The following DCDC2C variants were observed in gnomAD, a reference collection of about 807,000 sequenced individuals.
DCDC2C encodes the protein doublecortin domain containing 2C.
Under a neutral mutation model 45.0 loss-of-function variants are expected in DCDC2C, and 44 were observed. That is an observed-to-expected ratio of 0.98 (90% CI 0.77 to 1.26). DCDC2C has a LOEUF of 1.26. DCDC2C is among the 50% of genes most tolerant of loss of function. The probability of loss-of-function intolerance (pLI) is 0.00; values close to 1 mark genes in which losing one functional copy is unlikely to be tolerated. For synonymous variants in DCDC2C, 187 were observed against 178.8 expected, an observed-to-expected ratio of 1.05 and a Z score of -0.37; for missense variants, 447 against 468.9, an observed-to-expected ratio of 0.95 and a Z score of 0.43.
chr2:3,806,257 T>G (rs758203417), intron 10 of DCDC2C, among the ~76,000 whole-genome samples: 3 of 152,222 alleles, frequency 2.0e-5, no homozygotes, highest in Non-Finnish European at 2.9e-5. Context: ...TTTGTCTTGT[T>G]CTAAACGGCT....
chr2:3,846,644 A>G (rs1302468466), intron 10 of DCDC2C, among the ~76,000 whole-genome samples: 1 of 152,190 alleles, frequency 6.6e-6, no homozygotes, highest in East Asian at 1.9e-4. Flanking sequence ...CCTCTAGATG[A>G]TGTTCACATT....
intron 2 of DCDC2C, among the ~76,000 whole-genome samples, chr2:3,720,563 G>A (rs1454502540): frequency 3.9e-5 from 6 of 152,358 alleles, no homozygotes; most frequent in African/African-American, 1.2e-4. Context: ...ATGCAGCTGG[G>A]TCAGGCTTGA....
At chr2:3,756,265 C>G (rs1192540653) in intron 6 of DCDC2C, among the ~76,000 whole-genome samples, 1 of 152,092 alleles carries the variant, frequency 6.6e-6, no homozygotes. Context: ...ACAAATACTG[C>G]CTTTTAGTGG....
chr2:3,806,213 T>C (rs1671239012), intron 10 of DCDC2C, among the ~76,000 whole-genome samples: 1 of 152,198 alleles, frequency 6.6e-6, no homozygotes, highest in South Asian at 2.1e-4. Context: ...TGCTGCATTG[T>C]TTGATGCTTT....
chr2:3,733,073 T>G (rs1319684887), intron 3 of DCDC2C, among the ~76,000 whole-genome samples: 1 of 152,240 alleles, frequency 6.6e-6, no homozygotes, highest in Non-Finnish European at 1.5e-5. Context: ...GCAACTGATG[T>G]CGTGGAGGCA....
chr2:3,714,046 A>T (rs1448091691), intron 2 of DCDC2C, among the ~76,000 whole-genome samples: 3 of 152,228 alleles, frequency 2.0e-5, no homozygotes, highest in Non-Finnish European at 2.9e-5. Flanking sequence ...AGTTTATGAT[A>T]CAGTAATACA....
At chr2:3,796,386 C>A (rs1670953090) in intron 10 of DCDC2C, among the ~76,000 whole-genome samples, 1 of 112,838 alleles carries the variant, frequency 8.9e-6, no homozygotes, top group Non-Finnish European at 1.8e-5. Context: ...ATTGCCCTGG[C>A]CAGAACTTCC....
rs565816594 is a variant in DCDC2C, at chr2:3,733,740, G to A, written c.416+6661G>A. ...CCCACTCGTGAACCTAAGCCCCCTC[G>A]TGATTGAATCACCTTTTAAAGGCCT... On this transcript the variant is annotated intron_variant, in intron 3 of 10. Coordinates refer to ENST00000399143, the MANE Select transcript of DCDC2C (RefSeq NM_001287444.2). Among the ~76,000 whole-genome samples the A allele has an allele frequency of 5.3e-5, 8 of 152,258 alleles. No individual in the cohort carries two copies. The South Asian group carries it at 1.5e-3, about 28-fold the overall frequency.
In DCDC2C at chr2:3,787,302, G is replaced by A. The variant is rs906492764; in HGVS notation, c.1065+2202G>A. Among the ~76,000 whole-genome samples the A allele has an allele frequency of 3.3e-5, 5 of 152,318 alleles. No homozygotes were observed. The Middle Eastern group carries it at 0.01, about 311-fold the overall frequency. ...GCCGCATGCAAACTGTGCGCAAATAGTTTCATTTCTCTGAGCCTCGGTTTC... is the reference window on the plus strand; with the variant it reads ...GCCGCATGCAAACTGTGCGCAAATAATTTCATTTCTCTGAGCCTCGGTTTC... On this transcript the variant is annotated intron_variant, in intron 10 of 10. Transcript: ENST00000399143.
chr2:3,742,827 C>T (rs1044469530), intron 4 of DCDC2C, among the ~76,000 whole-genome samples: 2 of 152,218 alleles, frequency 1.3e-5, no homozygotes, highest in Non-Finnish European at 2.9e-5. Flanking sequence ...TGGCCAGCCC[C>T]AAGGCCAGAA....
At chr2:3,828,142 G>A (rs1435270356) in intron 10 of DCDC2C, among the ~76,000 whole-genome samples, 1 of 152,212 alleles carries the variant, frequency 6.6e-6, no homozygotes, top group African/African-American at 2.4e-5. Flanking sequence ...TTAAAAATAT[G>A]TGTGGATTAT....
chr2:3,770,174 T>G (rs549011427), intron 8 of DCDC2C, among the ~76,000 whole-genome samples: 9 of 152,214 alleles, frequency 5.9e-5, no homozygotes, highest in Non-Finnish European at 1.3e-4. Flanking sequence ...ATTCTTAGTT[T>G]TTGAGCAAAG....
chr2:3,806,529 A>G (rs897559908), intron 10 of DCDC2C, among the ~76,000 whole-genome samples: 7 of 145,328 alleles, frequency 4.8e-5, no homozygotes, highest in African/African-American at 1.8e-4. Flanking sequence ...TGGGCTTGTG[A>G]TGTATCTTTG....
intron 8 of DCDC2C, among the ~76,000 whole-genome samples, chr2:3,778,471 T>G (rs1477135566): frequency 6.6e-6 from 1 of 152,144 alleles, no homozygotes; most frequent in Non-Finnish European, 1.5e-5. Flanking sequence ...AGGCAGGCTG[T>G]GGAGGGCGTC....
chr2:3,727,445 A>T (rs914772354), intron 3 of DCDC2C, among the ~76,000 whole-genome samples: 1 of 152,062 alleles, frequency 6.6e-6, no homozygotes, highest in Non-Finnish European at 1.5e-5. Flanking sequence ...TTTTTAATGT[A>T]GCAGTTGCAG....
intron 6 of DCDC2C, among the ~76,000 whole-genome samples, chr2:3,757,022 G>T (rs750717479): frequency 1.3e-5 from 2 of 152,118 alleles, no homozygotes; most frequent in Admixed American, 6.5e-5. Flanking sequence ...ATATATAAAG[G>T]TCTGCATCTG....
At chr2:3,837,054 G>T (rs1051713717) in intron 10 of DCDC2C, among the ~76,000 whole-genome samples, 1 of 152,152 alleles carries the variant, frequency 6.6e-6, no homozygotes. Context: ...GGAATTGTTT[G>T]GTTGGAATCC....
intron 10 of DCDC2C, among the ~76,000 whole-genome samples, chr2:3,814,733 C>T (rs1333045353): frequency 1.3e-5 from 2 of 152,240 alleles, no homozygotes; most frequent in Non-Finnish European, 2.9e-5. Context: ...GTCCCTGAGC[C>T]TCTGACTGGA....
At chr2:3,820,469 G>A (rs533358238) in intron 10 of DCDC2C, among the ~76,000 whole-genome samples, 6 of 152,120 alleles carry the variant, frequency 3.9e-5, no homozygotes, top group South Asian at 4.2e-4. Context: ...AGGCATCCCC[G>A]CAATCGACTT....
Sources: allele counts gnomAD v4.1 joint callset (sites outside exome capture counted in the v4.1 genomes callset), GRCh38; gene constraint gnomAD v4.1.1; transcripts MANE v1.5; gene names NCBI Gene and HGNC (gene_info 2026-07-23, HGNC 2026-07-21).